The following PKIA variants were observed in gnomAD, a reference collection of about 807,000 sequenced individuals.
PKIA encodes the protein PKI-alpha.
A neutral mutation model predicts 7.6 loss-of-function variants in PKIA; 4 were observed. That is an observed-to-expected ratio of 0.52 (90% CI 0.26 to 1.20). The LOEUF (loss-of-function observed/expected upper bound fraction) is 1.20, where lower values mean the gene tolerates loss of function less well. PKIA is among the 50% of genes most tolerant of loss of function. The pLI, the probability that PKIA is intolerant of heterozygous loss-of-function variation, is 0.13. For missense variants in PKIA, 73 were observed against 86.2 expected (o/e 0.85, Z 0.61); for synonymous variants, 21 against 30.7 (o/e 0.68, Z 1.04).
intron 2 of PKIA, among the ~76,000 whole-genome samples, chr8:78,576,836 T>C (rs899588949): frequency 6.6e-6 from 1 of 152,044 alleles, no homozygotes; most frequent in Admixed American, 6.6e-5. Flanking sequence ...TGGTTTTATA[T>C]ACCTAGAGGA....
In PKIA at chr8:78,603,599, A is replaced by G. The variant is rs1808407119; in HGVS notation, c.*1778A>G. 1.3e-5 allele frequency: 2 copies of G among 152,006 alleles called. No homozygotes were observed. The highest frequency in any genetic ancestry group is 1.3e-4 in the Admixed American group (2 of 15,204). The allele number at this position is 152,006 out of a possible 1,614,324, so 9.4% of individuals were successfully genotyped here. A position where few individuals can be genotyped will look rare whatever the true frequency, so the allele number is the denominator to read the frequency against. On this transcript the variant is annotated 3_prime_UTR_variant, in exon 4 of 4. Coordinates refer to ENST00000396418, the MANE Select transcript of PKIA (RefSeq NM_006823.4). ...TAATCCATCAGGGGCCAAAATGCCC[A>G]GTAAAATTCAAACACATCACCTATT...
At chr8:78,600,342 A>G (rs1429259009) in intron 3 of PKIA, among the ~76,000 whole-genome samples, 1 of 152,050 alleles carries the variant, frequency 6.6e-6, no homozygotes, top group African/African-American at 2.4e-5. Context: ...TATACTCAAC[A>G]ATATTGTTGC....
At chr8:78,582,671 T>C (rs1427569990) in intron 2 of PKIA, among the ~76,000 whole-genome samples, 1 of 152,142 alleles carries the variant, frequency 6.6e-6, no homozygotes, top group African/African-American at 2.4e-5. Flanking sequence ...ACAAGATTCA[T>C]GAGAATGAAA....
In PKIA at chr8:78,602,893, C is replaced by T. The variant is rs1808385890; in HGVS notation, c.*1072C>T. The T allele has an allele frequency of 6.6e-6, 1 of 152,142 alleles. No individual in the cohort carries two copies. Among genetic ancestry groups the T allele is most frequent in the Admixed American group, 6.6e-5 (1 of 15,156 alleles). The allele number at this position is 152,142 out of a possible 1,614,324, so 9.4% of individuals were successfully genotyped here. ...TGAATCAGGTGGAGAAAGTAATCTC[C>T]TTGCAATCATGTGGACACCAATCAC... On this transcript the variant is annotated 3_prime_UTR_variant, in exon 4 of 4. Transcript: ENST00000396418.
intron 1 of PKIA, among the ~76,000 whole-genome samples, chr8:78,533,425 T>A (rs1806441910): frequency 6.6e-6 from 1 of 152,208 alleles, no homozygotes; most frequent in African/African-American, 2.4e-5. Context: ...TTTAGGACTT[T>A]TATTACATAT....
At chr8:78,545,972 T>C (rs1806811541) in intron 1 of PKIA, among the ~76,000 whole-genome samples, 2 of 152,188 alleles carry the variant, frequency 1.3e-5, no homozygotes, top group African/African-American at 4.8e-5. Context: ...CCCATTCTGT[T>C]TGAATTTAGA....
At chr8:78,543,815 G>A (rs1420824138) in intron 1 of PKIA, among the ~76,000 whole-genome samples, 3 of 152,102 alleles carry the variant, frequency 2.0e-5, no homozygotes, top group African/African-American at 7.2e-5. Context: ...CTAAAATTAC[G>A]ATGTCGTGTT....
chr8:78,523,588 A>G (rs1042817241), intron 1 of PKIA, among the ~76,000 whole-genome samples: 2 of 151,914 alleles, frequency 1.3e-5, no homozygotes, highest in African/African-American at 4.8e-5. Flanking sequence ...CTTTAATGCA[A>G]TTCTTGCACA....
chr8:78,523,495 T>C (rs1207948177), intron 1 of PKIA, among the ~76,000 whole-genome samples: 4 of 151,898 alleles, frequency 2.6e-5, no homozygotes, highest in Admixed American at 2.0e-4. Flanking sequence ...GTCATTGCAA[T>C]AGTCACAGCA....
At chr8:78,598,120 A>G (rs1808270105) in intron 2 of PKIA, among the ~76,000 whole-genome samples, 1 of 148,228 alleles carries the variant, frequency 6.7e-6, no homozygotes, top group South Asian at 2.1e-4. Context: ...ATATTAATAT[A>G]TTAATATTAA....
intron 1 of PKIA, among the ~76,000 whole-genome samples, chr8:78,541,175 A>AT (rs1309678839): frequency 4.6e-5 from 7 of 152,090 alleles, no homozygotes; most frequent in African/African-American, 1.7e-4. Context: ...ATATTCTTAT[A>AT]TTTTTTAAGC....
intron 1 of PKIA, among the ~76,000 whole-genome samples, chr8:78,523,691 T>G (rs1809459410): frequency 6.6e-6 from 1 of 151,668 alleles, no homozygotes; most frequent in Non-Finnish European, 1.5e-5. Context: ...ATTTCCAAAA[T>G]GTAATTTTGC....
Position 78,604,016 on chromosome 8 carries a change from T to G in PKIA, c.*2195T>G, listed in dbSNP as rs568343399. The G allele has an allele frequency of 9.2e-5, 14 of 152,162 alleles. No homozygotes were observed. Among genetic ancestry groups the G allele is most frequent in the African/African-American group, 3.4e-4 (14 of 41,546 alleles). 9.4% of individuals were successfully genotyped at this position (152,162 alleles called of 1,614,324 possible). A position where few individuals can be genotyped will look rare whatever the true frequency, so the allele number is the denominator to read the frequency against. On this transcript the variant is annotated 3_prime_UTR_variant, in exon 4 of 4. Transcript: ENST00000396418. ...TTCAAACCCAAAGGCATTCCCAAGC[T>G]AGGGAGATAAAAATTAATTTTCTAA... is the stretch of plus-strand genomic sequence containing the variant.
chr8:78,588,379 C>A (rs964846819), intron 2 of PKIA, among the ~76,000 whole-genome samples: 20 of 152,178 alleles, frequency 1.3e-4, no homozygotes, highest in African/African-American at 4.3e-4. Flanking sequence ...ACTCAGGAGG[C>A]TGAGGCAGGA....
chr8:78,519,063 G>GA (rs1422582712), intron 1 of PKIA, among the ~76,000 whole-genome samples: 3 of 151,842 alleles, frequency 2.0e-5, no homozygotes, highest in Admixed American at 6.6e-5. Context: ...AAAGAGGAAT[G>GA]AAAAATGGAA....
chr8:78,575,816 T>C (rs1468106198), intron 2 of PKIA, among the ~76,000 whole-genome samples: 1 of 152,048 alleles, frequency 6.6e-6, no homozygotes, highest in African/African-American at 2.4e-5. Flanking sequence ...AAAACCTCAA[T>C]TGGTCTTTGT....
intron 2 of PKIA, chr8:78,591,197 A>C (rs1195992944): frequency 6.6e-6 from 1 of 152,636 alleles, no homozygotes; most frequent in Non-Finnish European, 1.5e-5. Context: ...ACTCAATGTC[A>C]CTATAAAAAT....
At position 78,602,713 on chromosome 8, in the gene PKIA, A is replaced by ATATATATATT. The variant is rs1554584766; in HGVS notation, c.*893_*894insATATATATTT. ...CCACATAATATATATATATATATAT[A>ATATATATATT]TTTTAATTTATGAGAATTTTGGACA... On this transcript the variant is annotated 3_prime_UTR_variant, in exon 4 of 4. Coordinates refer to ENST00000396418, the MANE Select transcript of PKIA (RefSeq NM_006823.4). 6.8e-6 allele frequency: 1 copy of ATATATATATT among 147,894 alleles called. No individual in the cohort carries two copies. Among genetic ancestry groups the ATATATATATT allele is most frequent in the African/African-American group, 2.5e-5 (1 of 39,958 alleles). 9.2% of individuals were successfully genotyped at this position (147,894 alleles called of 1,614,324 possible).
chr8:78,584,454 A>G (rs1807900257), intron 2 of PKIA, among the ~76,000 whole-genome samples: 1 of 152,076 alleles, frequency 6.6e-6, no homozygotes, highest in South Asian at 2.1e-4. Context: ...ATATGTGTTT[A>G]TAGAGTCTTT....
Sources: allele counts gnomAD v4.1 joint callset (sites outside exome capture counted in the v4.1 genomes callset), GRCh38; gene constraint gnomAD v4.1.1; transcripts MANE v1.5; gene names NCBI Gene and HGNC (gene_info 2026-07-23, HGNC 2026-07-21).